The following MRAS variants were observed in gnomAD, a reference collection of about 807,000 sequenced individuals.
MRAS encodes the protein ras-related protein M-Ras.
A neutral mutation model predicts 20.9 loss-of-function variants in MRAS; 4 were observed. The ratio of observed to expected loss-of-function variants is 0.19; its 90% CI spans 0.09 to 0.44. The LOEUF (loss-of-function observed/expected upper bound fraction) is 0.44, where lower values mean the gene tolerates loss of function less well. Ranked by LOEUF, MRAS falls within the 20% of genes least tolerant of loss-of-function variation. The pLI is 0.99. For synonymous variants in MRAS, 98 were observed against 102.9 expected, an observed-to-expected ratio of 0.95 and a Z score of 0.29; for missense variants, 154 against 277.5, an observed-to-expected ratio of 0.56 and a Z score of 3.16.
At chr3:138,353,929 A>G (rs1385572945) in intron 1 of MRAS, among the ~76,000 whole-genome samples, 2 of 152,214 alleles carry the variant, frequency 1.3e-5, no homozygotes, top group African/African-American at 2.4e-5. Context: ...CCTGAAGTGC[A>G]TGCTCCTTCC....
intron 2 of MRAS, among the ~76,000 whole-genome samples, chr3:138,376,874 A>G (rs990428899): frequency 2.0e-5 from 3 of 152,264 alleles, no homozygotes; most frequent in Non-Finnish European, 2.9e-5. Context: ...CATAGAGAAC[A>G]TTCTGAAACA....
rs538399340 is a variant in MRAS, at chr3:138,368,110, C to T, written c.-18-4756C>T. On this transcript the variant is annotated intron_variant, in intron 1 of 5. Transcript: ENST00000423968. ...CTGCTGTTCCCAAAGTTGGTTTCTGCGTGGATGGGGCTGCCTGGAACCTCA... is the reference window on the plus strand; with the variant it reads ...CTGCTGTTCCCAAAGTTGGTTTCTGTGTGGATGGGGCTGCCTGGAACCTCA... Among the ~76,000 whole-genome samples the T allele has an allele frequency of 3.3e-5, 5 of 152,280 alleles. No homozygotes were observed. The South Asian group carries it at 8.3e-4, about 25-fold the overall frequency.
At chr3:138,366,152 G>C (rs1322922641) in intron 1 of MRAS, among the ~76,000 whole-genome samples, 5 of 152,228 alleles carry the variant, frequency 3.3e-5, no homozygotes, top group African/African-American at 1.2e-4. Context: ...CAGCGCTCTG[G>C]TGAAGCTGCC....
intron 2 of MRAS, among the ~76,000 whole-genome samples, chr3:138,388,825 G>A (rs963942578): frequency 6.6e-6 from 1 of 152,132 alleles, no homozygotes; most frequent in African/African-American, 2.4e-5. Flanking sequence ...TCACCCTGTA[G>A]GGGTGTCATA....
Position 138,383,022 on chromosome 3 carries a change from C to G in MRAS, c.193+9946C>G, listed in dbSNP as rs963236654. 3.3e-5 allele frequency among the ~76,000 whole-genome samples: 5 copies of G among 152,198 alleles called. 1 individual carries two copies. The highest frequency in any genetic ancestry group is 7.3e-5 in the Non-Finnish European group (5 of 68,048). On this transcript the variant is annotated intron_variant, in intron 2 of 5. Transcript: ENST00000423968. ...GGCTCCGGTGACTGGGGCTCCTCCT[C>G]CCTTTGGGCTGCCTCTGGACAAAGA...
At chr3:138,398,030 G>C (rs190524990) in intron 3 of MRAS, among the ~76,000 whole-genome samples, 4 of 152,218 alleles carry the variant, frequency 2.6e-5, no homozygotes, top group African/African-American at 9.7e-5. Flanking sequence ...CAATGCTGCG[G>C]TGAGATTGTC....
chr3:138,372,428 C>G (rs2054694250), intron 1 of MRAS, among the ~76,000 whole-genome samples: 1 of 152,152 alleles, frequency 6.6e-6, no homozygotes, highest in Admixed American at 6.5e-5. Context: ...CCTTTCTAAG[C>G]TTAGACACAG....
chr3:138,364,389 C>A (rs2054518714), intron 1 of MRAS, among the ~76,000 whole-genome samples: 1 of 152,200 alleles, frequency 6.6e-6, no homozygotes, highest in African/African-American at 2.4e-5. Context: ...CTGGGCCAAG[C>A]AAATAAATGC....
chr3:138,366,158 C>G (rs1038099403), intron 1 of MRAS, among the ~76,000 whole-genome samples: 1 of 152,212 alleles, frequency 6.6e-6, no homozygotes, highest in Non-Finnish European at 1.5e-5. Flanking sequence ...TCTGGTGAAG[C>G]TGCCCATTTC....
intron 1 of MRAS, among the ~76,000 whole-genome samples, chr3:138,354,968 A>G (rs941369680): frequency 6.6e-6 from 1 of 152,094 alleles, no homozygotes; most frequent in African/African-American, 2.4e-5. Context: ...TTTTTTTTGT[A>G]GAGATGGGGT....
At chr3:138,379,867 T>C (rs1242243792) in intron 2 of MRAS, among the ~76,000 whole-genome samples, 1 of 152,214 alleles carries the variant, frequency 6.6e-6, no homozygotes, top group Non-Finnish European at 1.5e-5. Context: ...CTGGACCATA[T>C]GGTAGCTCTA....
chr3:138,394,640 GTGTC>G (rs1178874452), intron 2 of MRAS, among the ~76,000 whole-genome samples: 11 of 152,232 alleles, frequency 7.2e-5, no homozygotes, highest in African/African-American at 2.6e-4. Flanking sequence ...GTCAAACATG[GTGTC>G]TAATAGACTC....
intron 1 of MRAS, among the ~76,000 whole-genome samples, chr3:138,362,385 C>T (rs2054467505): frequency 6.6e-6 from 1 of 152,140 alleles, no homozygotes; most frequent in African/African-American, 2.4e-5. Context: ...GATAATAACC[C>T]TCCCCCACAA....
chr3:138,390,394 C>T (rs565339275), intron 2 of MRAS, among the ~76,000 whole-genome samples: 1 of 152,170 alleles, frequency 6.6e-6, no homozygotes, highest in African/African-American at 2.4e-5. Flanking sequence ...CCTTCCTCCT[C>T]CCCCAGTCTG....
At chr3:138,366,218 C>T (rs1376604096) in intron 1 of MRAS, among the ~76,000 whole-genome samples, 1 of 152,176 alleles carries the variant, frequency 6.6e-6, no homozygotes, top group Non-Finnish European at 1.5e-5. Flanking sequence ...AGAGCCATTT[C>T]CTCCACATGG....
chr3:138,347,658 T>A (rs1349552307), upstream of MRAS: 1 of 152,100 alleles, frequency 6.6e-6, no homozygotes, highest in Non-Finnish European at 1.5e-5. Context: ...AGTAGCGCAA[T>A]CTCGGCTCAC....
At chr3:138,371,187 T>C (rs534920278) in intron 1 of MRAS, among the ~76,000 whole-genome samples, 1 of 152,246 alleles carries the variant, frequency 6.6e-6, no homozygotes, top group Non-Finnish European at 1.5e-5. Flanking sequence ...GCACTTTCTC[T>C]GCAGTGTAGC....
chr3:138,402,076 C>T (rs1301420923), intron 5 of MRAS, 94 bp from the exon 6 acceptor site: 4 of 1,232,800 alleles, frequency 3.2e-6, no homozygotes, highest in Admixed American at 4.0e-5. Context: ...GAACAGGCCT[C>T]CTCTGACTCA....
At chr3:138,370,127 G>A (rs2054644892) in intron 1 of MRAS, among the ~76,000 whole-genome samples, 1 of 152,074 alleles carries the variant, frequency 6.6e-6, no homozygotes, top group Non-Finnish European at 1.5e-5. Flanking sequence ...AAATCATCCT[G>A]GCCAACATGG....
Sources: allele counts gnomAD v4.1 joint callset (sites outside exome capture counted in the v4.1 genomes callset), GRCh38; gene constraint gnomAD v4.1.1; transcripts MANE v1.5; gene names NCBI Gene and HGNC (gene_info 2026-07-23, HGNC 2026-07-21).